Variants in CADM2 observed in about 807,000 individuals in gnomAD.
The protein encoded by CADM2 is cell adhesion molecule 2.
Under a neutral mutation model 49.8 loss-of-function variants are expected in CADM2, and 12 were observed. The observed-to-expected ratio is 0.24, with a 90% CI of 0.15 to 0.39. The LOEUF is 0.39. CADM2 is among the 10% of genes least tolerant of loss of function. CADM2 has a pLI of 1.00. For missense variants in CADM2, 378 were observed against 492.3 expected (o/e 0.77, Z 2.20); for synonymous variants, 214 against 175.4 (o/e 1.22, Z -1.74).
intron 1 of CADM2, among the ~76,000 whole-genome samples, chr3:85,712,521 A>G (rs1474111039): frequency 1.3e-5 from 2 of 152,228 alleles, no homozygotes; most frequent in African/African-American, 2.4e-5. Flanking sequence ...AGATGCTGTC[A>G]GTATACCTAA....
intron 5 of CADM2, among the ~76,000 whole-genome samples, chr3:85,907,462 G>C (rs1425846179): frequency 6.6e-6 from 1 of 152,126 alleles, no homozygotes; most frequent in East Asian, 1.9e-4. Flanking sequence ...ACCTTCAAGT[G>C]ATGAGAAAAT....
At chr3:85,124,411 G>A (rs887722705) in intron 1 of CADM2, among the ~76,000 whole-genome samples, 4 of 152,012 alleles carry the variant, frequency 2.6e-5, no homozygotes, top group Non-Finnish European at 4.4e-5. Context: ...CAAGATCAGC[G>A]AGACAACATA....
intron 1 of CADM2, among the ~76,000 whole-genome samples, chr3:85,343,058 A>G (rs769566901): frequency 5.3e-5 from 8 of 152,124 alleles, no homozygotes; most frequent in Non-Finnish European, 1.2e-4. Flanking sequence ...CCTTCAGGAA[A>G]CTTTTGGCAA....
chr3:85,182,162 T>C (rs2040952521), intron 1 of CADM2, among the ~76,000 whole-genome samples: 2 of 151,992 alleles, frequency 1.3e-5, no homozygotes, highest in Admixed American at 1.3e-4. Flanking sequence ...CCTTAAAATA[T>C]TAATTACAGT....
At chr3:85,245,270 T>C (rs1050667255) in intron 1 of CADM2, among the ~76,000 whole-genome samples, 45 of 152,106 alleles carry the variant, frequency 3.0e-4, no homozygotes, top group African/African-American at 1.1e-3. Context: ...CCCAGCACTT[T>C]GGGAGGCCGA....
chr3:85,491,275 A>C (rs2039657792), intron 1 of CADM2, among the ~76,000 whole-genome samples: 1 of 152,210 alleles, frequency 6.6e-6, no homozygotes, highest in South Asian at 2.1e-4. Context: ...GACAGCTGAG[A>C]GATAAATCTG....
intron 1 of CADM2, among the ~76,000 whole-genome samples, chr3:85,327,710 C>G (rs2044794622): frequency 6.6e-6 from 1 of 151,982 alleles, no homozygotes; most frequent in Non-Finnish European, 1.5e-5. Context: ...TTCATTATAA[C>G]TATTCTTTTC....
At chr3:85,585,345 G>A (rs1008833525) in intron 1 of CADM2, among the ~76,000 whole-genome samples, 8 of 151,828 alleles carry the variant, frequency 5.3e-5, no homozygotes, top group Middle Eastern at 3.4e-3. Context: ...GCCATAAAGT[G>A]CTTCATTTTT....
intron 1 of CADM2, among the ~76,000 whole-genome samples, chr3:85,674,808 G>T (rs1298758638): frequency 6.6e-6 from 1 of 152,024 alleles, no homozygotes; most frequent in African/African-American, 2.4e-5. Flanking sequence ...GTGAAAAGCA[G>T]CTCTACTTTT....
At chr3:85,843,438 T>G (rs2074730493) in intron 3 of CADM2, among the ~76,000 whole-genome samples, 1 of 151,754 alleles carries the variant, frequency 6.6e-6, no homozygotes, top group Non-Finnish European at 1.5e-5. Context: ...CAATAGGATA[T>G]ATGGTGATTC....
chr3:84,988,384 C>G (rs2032703863), intron 1 of CADM2, among the ~76,000 whole-genome samples: 1 of 152,190 alleles, frequency 6.6e-6, no homozygotes, highest in South Asian at 2.1e-4. Context: ...TTTTATGTAA[C>G]TTTCTACTTA....
At chr3:85,391,825 T>C (rs2034533840) in intron 1 of CADM2, among the ~76,000 whole-genome samples, 2 of 152,144 alleles carry the variant, frequency 1.3e-5, no homozygotes, top group African/African-American at 4.8e-5. Context: ...CCTAACCATT[T>C]GGATTAGCTG....
chr3:85,473,233 G>A (rs937025559), intron 1 of CADM2, among the ~76,000 whole-genome samples: 15 of 151,910 alleles, frequency 9.9e-5, no homozygotes, highest in African/African-American at 3.1e-4. Context: ...ATTTTACTGA[G>A]CACAGTGAGA....
At position 85,013,243 on chromosome 3, in the gene CADM2, A is replaced by T. The variant is rs116466730; in HGVS notation, c.61+53575A>T. On this transcript the variant is annotated intron_variant, in intron 1 of 9. Coordinates refer to ENST00000383699, the MANE Select transcript of CADM2 (RefSeq NM_001167675.2). ...GGTTTCAAGAAAACACAAGAAAGAG[A>T]TCTAGGAAGAAAAATCTATTTTATC... 3.3e-3 allele frequency among the ~76,000 whole-genome samples: 504 copies of T among 151,780 alleles called. 6 individuals are homozygous for T. The highest frequency in any genetic ancestry group is 0.011 in the African/African-American group (473 of 41,478).
intron 1 of CADM2, among the ~76,000 whole-genome samples, chr3:85,604,517 G>C (rs1217021962): frequency 6.6e-6 from 1 of 151,952 alleles, no homozygotes; most frequent in Non-Finnish European, 1.5e-5. Flanking sequence ...ACCTGGTTGT[G>C]ATATAAATGT....
chr3:85,487,525 G>T (rs1409940756), intron 1 of CADM2, among the ~76,000 whole-genome samples: 1 of 151,280 alleles, frequency 6.6e-6, no homozygotes, highest in East Asian at 1.9e-4. Flanking sequence ...AGGAGGAGAA[G>T]GAGGAAGTGG....
At chr3:85,214,080 C>T (rs1195066542) in intron 1 of CADM2, among the ~76,000 whole-genome samples, 1 of 151,954 alleles carries the variant, frequency 6.6e-6, no homozygotes, top group Non-Finnish European at 1.5e-5. Context: ...TAGTTTGTTC[C>T]ACATATTCGA....
intron 3 of CADM2, among the ~76,000 whole-genome samples, chr3:85,825,845 T>C (rs923559848): frequency 1.8e-4 from 27 of 152,048 alleles, no homozygotes; most frequent in African/African-American, 6.5e-4. Flanking sequence ...TTTTAGTACC[T>C]GTCATCTGAG....
intron 1 of CADM2, among the ~76,000 whole-genome samples, chr3:85,082,322 A>G (rs576791065): frequency 6.6e-6 from 1 of 152,300 alleles, no homozygotes; most frequent in Non-Finnish European, 1.5e-5. Flanking sequence ...ACATTTTTGC[A>G]AAATATATTT....
Sources: gnomAD v4.1 joint callset for allele counts (sites outside exome capture counted in the v4.1 genomes callset) on GRCh38, gnomAD v4.1.1 for gene constraint, MANE v1.5 for transcripts, NCBI Gene and HGNC (gene_info 2026-07-23, HGNC 2026-07-21) for gene names.